MLIP: variants seen among roughly 807,000 people sequenced by gnomAD.
MLIP encodes muscular LMNA-interacting protein.
MLIP carries 79 observed loss-of-function variants against 84.8 expected under a neutral mutation model. The observed-to-expected ratio is 0.93, with a 90% CI of 0.78 to 1.12. MLIP has a LOEUF of 1.12. Among genes scored for constraint, MLIP ranks in the 50% most tolerant of loss-of-function variants. The pLI is 0.00. For missense variants in MLIP, 1,257 were observed against 1,160.6 expected, an observed-to-expected ratio of 1.08 and a Z score of -1.21; for synonymous variants, 504 against 463.0, an observed-to-expected ratio of 1.09 and a Z score of -1.14.
At chr6:54,020,965 A>G (rs1763466724) in intron 1 of MLIP, among the ~76,000 whole-genome samples, 1 of 152,250 alleles carries the variant, frequency 6.6e-6, no homozygotes, top group Non-Finnish European at 1.5e-5. Flanking sequence ...CACCTTTCAG[A>G]TACAGGAGTT....
rs76568439 is a variant in MLIP, at chr6:54,061,896, A to C, written c.63+42805A>C. The stretch of plus-strand genomic sequence containing the variant: ...TTTGGTTATAGCTCCAGGATTGCCT[A>C]GGGATTTGTGCCAATCCCATTACTT... On this transcript the variant is annotated intron_variant, in intron 1 of 12. Transcript: ENST00000274897. Among the ~76,000 whole-genome samples the C allele has an allele frequency of 5.1e-4, 77 of 152,356 alleles. 1 individual carries two copies. In the South Asian group the frequency reaches 7.0e-3, roughly 14 times the overall value.
At chr6:54,142,619 A>G (rs1219734013) in intron 4 of MLIP, among the ~76,000 whole-genome samples, 1 of 152,050 alleles carries the variant, frequency 6.6e-6, no homozygotes, top group African/African-American at 2.4e-5. Context: ...CTTGTGGGCC[A>G]CTCTTTAGTC....
chr6:54,248,147 T>G (rs1782215228), intron 12 of MLIP, among the ~76,000 whole-genome samples: 3 of 152,114 alleles, frequency 2.0e-5, no homozygotes, highest in Admixed American at 2.0e-4. Context: ...AGGTACAATA[T>G]TCCTTATAAT....
chr6:54,096,501 C>T (rs1347800012), intron 1 of MLIP, among the ~76,000 whole-genome samples: 2 of 151,988 alleles, frequency 1.3e-5, no homozygotes, highest in East Asian at 3.9e-4. Flanking sequence ...AGAGGCTCTC[C>T]ACTGAGTGTA....
intron 1 of MLIP, chr6:54,083,475 C>A: frequency 6.5e-7 from 1 of 1,530,872 alleles, no homozygotes; most frequent in Non-Finnish European, 8.7e-7. Flanking sequence ...ATATCAGCAG[C>A]TGACACAGGC....
chr6:54,257,446 C>A, intron 13 of MLIP, 85 bp downstream of exon 13: 1 of 1,017,174 alleles, frequency 9.8e-7, no homozygotes, highest in Non-Finnish European at 1.5e-6. Flanking sequence ...TTAATGTTAA[C>A]AAAATTGTGC....
chr6:54,032,358 G>T (rs999422752), intron 1 of MLIP: 5 of 151,946 alleles, frequency 3.3e-5, no homozygotes, highest in African/African-American at 1.2e-4. Context: ...TATTTTGAAG[G>T]AATTTATATT....
intron 13 of MLIP, among the ~76,000 whole-genome samples, chr6:54,258,785 A>C (rs948780139): frequency 5.9e-5 from 9 of 152,160 alleles, no homozygotes; most frequent in Admixed American, 2.0e-4. Flanking sequence ...CTAAAGCTGC[A>C]GGAACTTAAT....
intron 10 of MLIP, among the ~76,000 whole-genome samples, chr6:54,201,170 C>A (rs887185706): frequency 1.3e-5 from 2 of 152,182 alleles, no homozygotes; most frequent in African/African-American, 4.8e-5. Flanking sequence ...AACTAGAGTT[C>A]TCCTGCCTCT....
intron 1 of MLIP, among the ~76,000 whole-genome samples, chr6:54,100,803 A>C (rs1443436743): frequency 6.6e-6 from 1 of 152,102 alleles, no homozygotes; most frequent in African/African-American, 2.4e-5. Flanking sequence ...GCCTTCATGG[A>C]TGATTGCATG....
At chr6:54,215,430 A>G in intron 11 of MLIP, 2 of 1,213,814 alleles carry the variant, frequency 1.6e-6, no homozygotes, top group Non-Finnish European at 2.1e-6. Flanking sequence ...TTTTTTTAAA[A>G]GTATAATTTC....
At chr6:54,105,558 C>T (rs1768948060) in intron 1 of MLIP, among the ~76,000 whole-genome samples, 1 of 152,096 alleles carries the variant, frequency 6.6e-6, no homozygotes, top group African/African-American at 2.4e-5. Flanking sequence ...AAAATCCTTG[C>T]CCTCATGGTG....
chr6:54,098,186 CA>C (rs1768361281), intron 1 of MLIP, among the ~76,000 whole-genome samples: 1 of 135,650 alleles, frequency 7.4e-6, no homozygotes, highest in South Asian at 2.3e-4. Flanking sequence ...GACGGGATCT[CA>C]AAATTTTACC....
chr6:54,117,271 A>G (rs1177291332), intron 1 of MLIP, among the ~76,000 whole-genome samples: 4 of 143,742 alleles, frequency 2.8e-5, no homozygotes, highest in Non-Finnish European at 4.5e-5. Flanking sequence ...GCTGGAGCAC[A>G]GTGGCCGGTC....
chr6:54,108,451 T>C (rs1397463923), upstream of MLIP, among the ~76,000 whole-genome samples: 5 of 152,214 alleles, frequency 3.3e-5, no homozygotes, highest in Non-Finnish European at 7.3e-5. Context: ...AAATACAGAA[T>C]GGTTTCTATA....
intron 1 of MLIP, among the ~76,000 whole-genome samples, chr6:54,078,704 T>C (rs901657388): frequency 6.7e-6 from 1 of 150,096 alleles, no homozygotes; most frequent in African/African-American, 2.4e-5. Context: ...TTTTTTTTTT[T>C]TTTGAGATGG....
intron 1 of MLIP, among the ~76,000 whole-genome samples, chr6:54,076,324 A>G (rs534206667): frequency 6.6e-6 from 1 of 152,338 alleles, no homozygotes; most frequent in East Asian, 1.9e-4. Flanking sequence ...CTGATTGTGC[A>G]AACATTGGCA....
rs140994036 is a variant in MLIP at position 54,160,555 on chromosome 6, C to G, written c.2395C>G (p.Leu799Val). Residue 799 changes from leucine to valine, a missense_variant, in exon 7 of 14, where the codon CTC becomes GTC. By Grantham distance (32) the Leu-to-Val change is conservative. Transcript: ENST00000502396. ...ACAGCTCAGGCAGCAAACTGAAGAG[C>G]TCTGTGCTACCATTGATAAGGTCTT... ...PAQLRQQTEE[L>V]CATIDKVLQD... The G allele has an allele frequency of 1.2e-6, 2 of 1,612,426 alleles. No individual in the cohort carries two copies. The highest frequency in any genetic ancestry group is 1.3e-5 in the African/African-American group (1 of 74,826).
intron 4 of MLIP, among the ~76,000 whole-genome samples, chr6:54,142,666 G>T (rs908435062): frequency 7.2e-5 from 11 of 152,138 alleles, no homozygotes; most frequent in African/African-American, 2.7e-4. Context: ...GAAGTCTTTG[G>T]AGGGTTTCAA....
Sources: gnomAD v4.1 joint callset for allele counts (sites outside exome capture counted in the v4.1 genomes callset) on GRCh38, gnomAD v4.1.1 for gene constraint, MANE v1.5 for transcripts, NCBI Gene and HGNC (gene_info 2026-07-23, HGNC 2026-07-21) for gene names.